Variants in BCL9 observed in about 807,000 individuals in gnomAD.
The protein encoded by BCL9 is BCL9 transcription coactivator, also known as B-cell CLL/lymphoma 9 protein.
A neutral mutation model predicts 88.5 loss-of-function variants in BCL9; 25 were observed. The observed-to-expected ratio is 0.28, with a 90% CI of 0.21 to 0.39. The LOEUF (loss-of-function observed/expected upper bound fraction) is 0.39. BCL9 is among the 10% of genes least tolerant of loss of function. BCL9 has a pLI of 1.00. For synonymous variants in BCL9, 711 were observed against 673.3 expected (o/e 1.06, Z -0.87); for missense variants, 1,817 against 1,877.8 (o/e 0.97, Z 0.60).
chr1:147,581,100 T>C (rs1398643650), intron 1 of BCL9, among the ~76,000 whole-genome samples: 1 of 152,152 alleles, frequency 6.6e-6, no homozygotes, highest in East Asian at 1.9e-4. Context: ...CTGCCTCTAA[T>C]TACCAATGTG....
At chr1:147,602,358 C>T (rs1167427844) in intron 1 of BCL9, among the ~76,000 whole-genome samples, 5 of 151,720 alleles carry the variant, frequency 3.3e-5, no homozygotes, top group South Asian at 2.1e-4. Context: ...ATTACAGGCA[C>T]GCACCACCAT....
At chr1:147,559,701 G>T (rs929276973) in intron 1 of BCL9, among the ~76,000 whole-genome samples, 1 of 152,178 alleles carries the variant, frequency 6.6e-6, no homozygotes, top group Non-Finnish European at 1.5e-5. Flanking sequence ...TGTTATAATA[G>T]AAATGTACTC....
At chr1:147,571,172 G>A (rs985003853) in intron 1 of BCL9, among the ~76,000 whole-genome samples, 5 of 152,050 alleles carry the variant, frequency 3.3e-5, no homozygotes, top group Admixed American at 6.6e-5. Context: ...GTGTGTGATC[G>A]GTTGTGGCAT....
In BCL9 at chr1:147,619,497, C is replaced by T. The variant is rs1553204622; in HGVS notation, c.1342C>T (p.Pro448Ser). ...VPFSPDEMVP[P>S]SMNSQSGTIG... ...CTTTTCTCCAGATGAAATGGTTCCA[C>T]CTTCTATGAACTCCCAGTCTGGGAC... is the stretch of plus-strand genomic sequence containing the variant. Residue 448 changes from proline (P) to serine (S), a missense_variant, in exon 8 of 10, where the codon CCT (proline) becomes TCT (serine). Physicochemically the swap from Pro to Ser is moderately conservative, Grantham distance 74 (BLOSUM62 -1). Around this residue, in one of 2 missense-constraint regions of BCL9, gnomAD observed 1,228 missense variants for 1,191.6 expected, o/e 1.03. Transcript: ENST00000234739. This position sits in a 1 kb window ranked among gnomAD's most constrained non-coding sequence, Gnocchi z 4.1. The T allele has an allele frequency of 6.2e-7, 1 of 1,614,142 alleles. No homozygotes were observed.
intron 1 of BCL9, among the ~76,000 whole-genome samples, chr1:147,554,533 G>A (rs2101481118): frequency 6.6e-6 from 1 of 152,264 alleles, no homozygotes; most frequent in Non-Finnish European, 1.5e-5. Flanking sequence ...ATTAGTTGCA[G>A]CATCCTGTCC....
In BCL9 at chr1:147,620,075, G is replaced by A. The variant is rs1658532649; in HGVS notation, c.1920G>A (p.Gln640=). 1.2e-6 allele frequency: 2 copies of A among 1,614,224 alleles called. No homozygotes were observed. The highest frequency in any genetic ancestry group is 4.5e-5 in the East Asian group (2 of 44,868). The change falls in exon 8 of 10, where the codon CAG becomes CAA. Residue 640 remains glutamine (Q), a synonymous_variant. Coordinates refer to ENST00000234739, the MANE Select transcript of BCL9 (RefSeq NM_004326.4). The part of the protein sequence containing the change: ...EMFQQQLAEK[Q]LGLPPGMAME... ...TTCAGCAGCAGCTGGCAGAGAAACA[G>A]CTGGGTCTCCCCCCAGGGATGGCCA...
At chr1:147,621,102 C>T in intron 8 of BCL9, 45 bp downstream of exon 8, 1 of 1,528,144 alleles carries the variant, frequency 6.5e-7, no homozygotes. Flanking sequence ...TAGCTGGAGA[C>T]TGCTAGACCT....
In BCL9 at chr1:147,624,157, G is replaced by T. The variant is rs587752203; in HGVS notation, c.3479G>T (p.Gly1160Val). ...QVPFPHNGPSGGQGSFPGGMG... is the reference protein window; with the variant it reads ...QVPFPHNGPSVGQGSFPGGMG... ...CCATTCCCTCACAATGGCCCCAGTG[G>T]GGGGCAGGGCAGCTTCCCAGGAGGG... is the stretch of plus-strand genomic sequence containing the variant. Residue 1160 changes from glycine (G) to valine (V), a missense_variant, in exon 10 of 10, where the codon GGG (glycine) becomes GTG (valine). By Grantham distance (109) the Gly-to-Val change is moderately radical (BLOSUM62 -3). Transcript: ENST00000234739. The surrounding 1 kb of genome is among the most constrained non-coding windows in gnomAD (Gnocchi z 4.4). 6 of 1,597,062 alleles carry T rather than the reference G, an allele frequency of 3.8e-6. No individual in the cohort carries two copies. Among genetic ancestry groups the T allele is most frequent in the Non-Finnish European group, 5.1e-6 (6 of 1,170,256 alleles).
chr1:147,583,179 A>G (rs1656444408), intron 1 of BCL9, among the ~76,000 whole-genome samples: 1 of 152,184 alleles, frequency 6.6e-6, no homozygotes, highest in Non-Finnish European at 1.5e-5. Flanking sequence ...TTTATATACT[A>G]AGAATATTAA....
At chr1:147,586,603 C>T (rs1236259434) in intron 1 of BCL9, among the ~76,000 whole-genome samples, 2 of 152,162 alleles carry the variant, frequency 1.3e-5, no homozygotes, top group African/African-American at 2.4e-5. Flanking sequence ...GGGTCTGCTC[C>T]GGGGCCAGGG....
At chr1:147,590,412 A>G (rs1160618614) in intron 1 of BCL9, among the ~76,000 whole-genome samples, 1 of 152,184 alleles carries the variant, frequency 6.6e-6, no homozygotes, top group African/African-American at 2.4e-5. Context: ...CTGGATCTGC[A>G]TCATTTCACA....
chr1:147,599,776 G>C (rs1219574476), intron 1 of BCL9, among the ~76,000 whole-genome samples: 1 of 151,920 alleles, frequency 6.6e-6, no homozygotes, highest in Non-Finnish European at 1.5e-5. Context: ...TAAAATATCG[G>C]GGGCGGGGCG....
intron 1 of BCL9, among the ~76,000 whole-genome samples, chr1:147,590,676 T>A (rs1421730094): frequency 6.6e-6 from 1 of 152,236 alleles, no homozygotes; most frequent in Non-Finnish European, 1.5e-5. Flanking sequence ...ATTAAGTTAC[T>A]TAACCTCTCT....
At chr1:147,614,667 A>G in intron 6 of BCL9, 51 bp downstream of exon 6, 2 of 1,499,286 alleles carry the variant, frequency 1.3e-6, no homozygotes, top group Non-Finnish European at 1.8e-6. Context: ...CTGGGGACCT[A>G]AATTCTTATT....
intron 1 of BCL9, among the ~76,000 whole-genome samples, chr1:147,594,157 T>C (rs1656952556): frequency 6.6e-6 from 1 of 152,202 alleles, no homozygotes; most frequent in Non-Finnish European, 1.5e-5. Context: ...ATGTAAAAAA[T>C]GGTGGTATAC....
At chr1:147,586,937 A>G (rs1161452815) in intron 1 of BCL9, among the ~76,000 whole-genome samples, 1 of 151,822 alleles carries the variant, frequency 6.6e-6, no homozygotes, top group Non-Finnish European at 1.5e-5. Context: ...TTCCTCCGCT[A>G]TCCCTAAGCC....
At chr1:147,623,373 T>A (rs1478875821) in intron 9 of BCL9, among the ~76,000 whole-genome samples, 2 of 152,238 alleles carry the variant, frequency 1.3e-5, no homozygotes, top group Non-Finnish European at 2.9e-5. Flanking sequence ...GAGTTTTAAA[T>A]GCTTTCTCTA....
chr1:147,600,832 G>A (rs1214891324), intron 1 of BCL9, among the ~76,000 whole-genome samples: 1 of 152,032 alleles, frequency 6.6e-6, no homozygotes. Flanking sequence ...AGTAGTTAAG[G>A]GCCCAAGCAG....
intron 1 of BCL9, among the ~76,000 whole-genome samples, chr1:147,543,021 T>C (rs1654404317): frequency 6.6e-6 from 1 of 152,338 alleles, no homozygotes; most frequent in Non-Finnish European, 1.5e-5. Flanking sequence ...GAAGGCTGTT[T>C]ACTCGCCGGT....
Sources: gnomAD v4.1 joint callset for allele counts (sites outside exome capture counted in the v4.1 genomes callset) on GRCh38, gnomAD v4.1.1 for gene constraint, gnomAD v4.1.1 regional missense constraint, Gnocchi (gnomAD v3.1) non-coding constraint, MANE v1.5 for transcripts, NCBI Gene and HGNC (gene_info 2026-07-23, HGNC 2026-07-21) for gene names.